The following ZNF529 variants were observed in gnomAD, a reference collection of about 807,000 sequenced individuals.
The protein encoded by ZNF529 is zinc finger protein 529.
ZNF529 carries 11 observed loss-of-function variants against 10.1 expected under a neutral mutation model. That is an observed-to-expected ratio of 1.09 (90% CI 0.69 to 1.81). The LOEUF is 1.81. Ranked by LOEUF, ZNF529 falls within the 40% of genes most tolerant of loss-of-function variation. ZNF529 has a pLI of 0.00. For missense variants in ZNF529, 624 were observed against 666.8 expected (o/e 0.94, Z 0.71); for synonymous variants, 204 against 215.7 (o/e 0.95, Z 0.47).
chr19:36,579,185 A>C (rs1252042951), intron 2 of ZNF529, among the ~76,000 whole-genome samples: 2 of 151,340 alleles, frequency 1.3e-5, no homozygotes, highest in African/African-American at 2.4e-5. Flanking sequence ...TGGGAGACAG[A>C]GTGAGACTCC....
At chr19:36,570,919 T>A (rs1304633842) in intron 2 of ZNF529, among the ~76,000 whole-genome samples, 3 of 152,134 alleles carry the variant, frequency 2.0e-5, no homozygotes, top group Non-Finnish European at 4.4e-5. Context: ...CCAGGCCTCA[T>A]AAAGACCCTA....
chr19:36,567,657 G>C (rs1364462832), intron 2 of ZNF529, among the ~76,000 whole-genome samples: 1 of 152,026 alleles, frequency 6.6e-6, no homozygotes, highest in African/African-American at 2.4e-5. Flanking sequence ...TGGCCAGGCT[G>C]GTTTCAAACT....
At chr19:36,560,285 A>T (rs1600277418) in intron 2 of ZNF529, among the ~76,000 whole-genome samples, 1 of 150,704 alleles carries the variant, frequency 6.6e-6, no homozygotes. Flanking sequence ...AAAAAAAGAG[A>T]AGCAAGCCAG....
At chr19:36,595,383 A>G (rs2036818898) in intron 1 of ZNF529, among the ~76,000 whole-genome samples, 1 of 152,168 alleles carries the variant, frequency 6.6e-6, no homozygotes, top group South Asian at 2.1e-4. Context: ...TTTCCATTCA[A>G]CAGAGCAAGA....
rs191447026 is a variant in ZNF529 at position 36,551,575 on chromosome 19, C to T, written c.235+3095G>A. 2.9e-3 allele frequency among the ~76,000 whole-genome samples: 448 copies of T among 152,048 alleles called. 11 individuals carry two copies. Among genetic ancestry groups the T allele is most frequent in the Admixed American group, 0.018 (274 of 15,274 alleles). The stretch of plus-strand genomic sequence containing the variant: ...TACTTACTTACAGTAATATAAAAGA[C>T]ATATAATAAAAAAAGCCTCTTTGCC... On this transcript the variant is annotated intron_variant, in intron 4 of 4. Transcript: ENST00000591340.
upstream of ZNF529, chr19:36,574,996 T>G (rs1477744834): frequency 2.2e-6 from 1 of 451,698 alleles, no homozygotes; most frequent in Admixed American, 2.4e-5. Context: ...GAGTAAGTAG[T>G]TTCTGAGTTT....
upstream of ZNF529, among the ~76,000 whole-genome samples, chr19:36,573,804 G>A (rs1005644124): frequency 6.6e-6 from 1 of 152,214 alleles, no homozygotes; most frequent in Non-Finnish European, 1.5e-5. Context: ...ACAGCCTTTA[G>A]GCTGGGGAGG....
chr19:36,581,336 A>T (rs1335548650), intron 2 of ZNF529: 2 of 152,218 alleles, frequency 1.3e-5, no homozygotes, highest in Admixed American at 6.5e-5. Context: ...TTGAAATATG[A>T]AAAAGTGACA....
At chr19:36,562,916 A>C (rs2035762525) in intron 2 of ZNF529, among the ~76,000 whole-genome samples, 1 of 151,872 alleles carries the variant, frequency 6.6e-6, no homozygotes, top group South Asian at 2.1e-4. Context: ...CAGCCTTCAT[A>C]AAAGAGGCTC....
chr19:36,579,327 T>C (rs1374326333), intron 2 of ZNF529, among the ~76,000 whole-genome samples: 1 of 152,086 alleles, frequency 6.6e-6, no homozygotes, highest in East Asian at 1.9e-4. Flanking sequence ...TATCAGATAA[T>C]AGGCCTCAAA....
At position 36,546,759 on chromosome 19, in the gene ZNF529, C is replaced by T. The variant is rs979935018; in HGVS notation, c.*107G>A. The T allele has an allele frequency of 4.9e-6, 6 of 1,222,904 alleles. No homozygotes were observed. Among genetic ancestry groups the T allele is most frequent in the Non-Finnish European group, 6.8e-6 (6 of 884,864 alleles). The allele number at this position is 1,222,904 out of a possible 1,614,324, so 75.8% of individuals were successfully genotyped here. On this transcript the variant is annotated 3_prime_UTR_variant, in exon 5 of 5. Transcript: ENST00000591340. The stretch of plus-strand genomic sequence containing the variant: ...ACAGAATGACCATGAAGTCTAAAAA[C>T]AGACTTTAAGAGAGGGAGATACTGA...
At chr19:36,605,457 G>A (rs1279812050), upstream of ZNF529, 2 of 152,744 alleles carry the variant, frequency 1.3e-5, no homozygotes, top group East Asian at 3.9e-4. Context: ...GTAACCAAGA[G>A]TCCGAGCCGG....
chr19:36,560,794 G>A lies in ZNF529; in HGVS notation c.15-4597C>T, dbSNP rs116209396. Among the ~76,000 whole-genome samples the A allele has an allele frequency of 5.8e-3, 881 of 152,336 alleles. 6 individuals carry two copies. The highest frequency in any genetic ancestry group is 0.02 in the African/African-American group (830 of 41,574). On this transcript the variant is annotated intron_variant, in intron 2 of 4. Coordinates refer to ENST00000591340, the MANE Select transcript of ZNF529 (RefSeq NM_020951.5). ...TGTTTCTGAAGTAAGATATTTGGCA[G>A]AATAAATCTCTAAGCAGCAAAGTGT...
intron 2 of ZNF529, among the ~76,000 whole-genome samples, chr19:36,562,998 C>G (rs1475070638): frequency 6.6e-6 from 1 of 152,200 alleles, no homozygotes; most frequent in Non-Finnish European, 1.5e-5. Context: ...AGCATCAAGG[C>G]ACCCTTGGAA....
At chr19:36,601,067 C>T (rs963545383) in intron 1 of ZNF529, among the ~76,000 whole-genome samples, 3 of 151,730 alleles carry the variant, frequency 2.0e-5, no homozygotes, top group African/African-American at 7.3e-5. Flanking sequence ...TGCCAAACCT[C>T]ATGCAAGAAC....
chr19:36,571,091 A>T (rs1045391139), intron 2 of ZNF529, among the ~76,000 whole-genome samples: 2 of 152,230 alleles, frequency 1.3e-5, no homozygotes, highest in Admixed American at 6.5e-5. Context: ...CTTTAATTTT[A>T]ATTAACTTAC....
intron 2 of ZNF529, among the ~76,000 whole-genome samples, chr19:36,567,805 A>G (rs1335251765): frequency 6.6e-6 from 1 of 152,162 alleles, no homozygotes; most frequent in Admixed American, 6.6e-5. Flanking sequence ...GAAAATTTTG[A>G]TGAATTAGGA....
In ZNF529 at chr19:36,547,325, T is replaced by C; in HGVS notation, c.1233A>G (p.Arg411=). ...KVFRNSSSLT[R]HQRIHTGEKP... is the part of the protein sequence containing the mutation. ...TTTCACCAGTATGAATCCTCTGATG[T>C]CTAGTCAGGGATGAACTATTTCTAA... is the stretch of plus-strand genomic sequence containing the variant. The change falls in exon 5 of 5, where the codon AGA becomes AGG. Residue 411 remains arginine (R), a synonymous_variant. Coordinates refer to ENST00000591340, the MANE Select transcript of ZNF529 (RefSeq NM_020951.5). The C allele has an allele frequency of 6.2e-7, 1 of 1,613,938 alleles. No individual in the cohort carries two copies.
chr19:36,578,131 C>CT (rs755700907), upstream of ZNF529, among the ~76,000 whole-genome samples: 24 of 120,912 alleles, frequency 2.0e-4, no homozygotes, highest in East Asian at 5.1e-3. Context: ...GTGGTGCTAT[C>CT]TCGGCTCACT....
Sources: allele counts gnomAD v4.1 joint callset (sites outside exome capture counted in the v4.1 genomes callset), GRCh38; gene constraint gnomAD v4.1.1; transcripts MANE v1.5; gene names NCBI Gene and HGNC (gene_info 2026-07-23, HGNC 2026-07-21).